The following CDH12 variants were observed in gnomAD, a reference collection of about 807,000 sequenced individuals.
CDH12 encodes cadherin 12.
In CDH12, 41 loss-of-function variants were observed where a neutral mutation model predicts 74.1. That is an observed-to-expected ratio of 0.55 (90% CI 0.43 to 0.72). CDH12 has a LOEUF of 0.72. CDH12 is among the 30% of genes least tolerant of loss of function. The pLI, the probability that CDH12 is intolerant of heterozygous loss-of-function variation, is 0.00. For missense variants in CDH12, 945 were observed against 977.2 expected, an observed-to-expected ratio of 0.97 and a Z score of 0.44; for synonymous variants, 399 against 355.0, an observed-to-expected ratio of 1.12 and a Z score of -1.39.
At chr5:21,796,877 C>A (rs1053144219) in intron 10 of CDH12, among the ~76,000 whole-genome samples, 2 of 152,064 alleles carry the variant, frequency 1.3e-5, no homozygotes, top group African/African-American at 2.4e-5. Flanking sequence ...TTATGAAAAG[C>A]CCCTACTTCA....
At chr5:22,616,096 A>G (rs1414238363) in intron 1 of CDH12, among the ~76,000 whole-genome samples, 1 of 152,156 alleles carries the variant, frequency 6.6e-6, no homozygotes, top group Admixed American at 6.6e-5. Context: ...TATTCAGTGC[A>G]CAGTTTCACC....
chr5:22,375,356 C>G (rs145550819), intron 3 of CDH12, among the ~76,000 whole-genome samples: 1 of 151,976 alleles, frequency 6.6e-6, no homozygotes, highest in Non-Finnish European at 1.5e-5. Context: ...AAAAGAAATA[C>G]AAGAAAAATA....
intron 4 of CDH12, among the ~76,000 whole-genome samples, chr5:22,113,282 T>G (rs971971493): frequency 6.6e-6 from 1 of 152,194 alleles, no homozygotes; most frequent in Non-Finnish European, 1.5e-5. Flanking sequence ...AAAGAATCTC[T>G]ATTAACATAG....
intron 1 of CDH12, among the ~76,000 whole-genome samples, chr5:22,811,793 G>C (rs921081896): frequency 6.6e-6 from 1 of 152,060 alleles, no homozygotes; most frequent in Non-Finnish European, 1.5e-5. Context: ...ACTCAGAAGA[G>C]GGAAATTATG....
chr5:22,222,897 A>T (rs1203278860), intron 3 of CDH12, among the ~76,000 whole-genome samples: 1 of 152,016 alleles, frequency 6.6e-6, no homozygotes, highest in Non-Finnish European at 1.5e-5. Context: ...ACCCTTTTGT[A>T]ACTAATCTGA....
chr5:22,503,810 C>G (rs539195750), intron 2 of CDH12, among the ~76,000 whole-genome samples: 13 of 152,054 alleles, frequency 8.5e-5, no homozygotes, highest in African/African-American at 3.1e-4. Context: ...TGTTTTAATG[C>G]TCTGTTATGC....
At chr5:22,429,424 C>A (rs545715078) in intron 2 of CDH12, among the ~76,000 whole-genome samples, 105 of 152,234 alleles carry the variant, frequency 6.9e-4, no homozygotes, top group African/African-American at 2.4e-3. Context: ...CAGGTGTGAG[C>A]CACTGTGCCT....
chr5:22,570,393 C>T (rs1739484732), intron 1 of CDH12, among the ~76,000 whole-genome samples: 1 of 152,098 alleles, frequency 6.6e-6, no homozygotes. Context: ...CTCAAAATTA[C>T]TCCTTTATCC....
intron 4 of CDH12, among the ~76,000 whole-genome samples, chr5:22,083,437 T>C (rs1281090900): frequency 1.3e-5 from 2 of 152,164 alleles, no homozygotes; most frequent in South Asian, 2.1e-4. Context: ...GGAGGAGTAA[T>C]GATGCCTATT....
At chr5:21,779,336 G>A (rs1476213166) in intron 11 of CDH12, 3 of 152,026 alleles carry the variant, frequency 2.0e-5, no homozygotes, top group African/African-American at 4.8e-5. Context: ...GAGTAGCTGG[G>A]ACTACAGTTG....
intron 3 of CDH12, among the ~76,000 whole-genome samples, chr5:22,307,718 T>C (rs1295272269): frequency 6.6e-6 from 1 of 152,074 alleles, no homozygotes; most frequent in Non-Finnish European, 1.5e-5. Context: ...TCTTCTTGCA[T>C]ATTAATTTTT....
At chr5:22,445,083 T>C (rs1744771139) in intron 2 of CDH12, among the ~76,000 whole-genome samples, 1 of 152,104 alleles carries the variant, frequency 6.6e-6, no homozygotes, top group Admixed American at 6.6e-5. Flanking sequence ...CAATGTAAAT[T>C]AGCTATGGAA....
chr5:22,373,739 A>T (rs1741396965), intron 3 of CDH12, among the ~76,000 whole-genome samples: 1 of 152,232 alleles, frequency 6.6e-6, no homozygotes, highest in Admixed American at 6.5e-5. Flanking sequence ...CCAAAGTTAA[A>T]GCCAAAGTGC....
At chr5:22,690,022 G>A (rs1254132923) in intron 1 of CDH12, among the ~76,000 whole-genome samples, 3 of 152,010 alleles carry the variant, frequency 2.0e-5, no homozygotes, top group African/African-American at 4.8e-5. Context: ...AGATTTAGAC[G>A]GCTATGAGAA....
At chr5:22,222,487 A>T (rs1335173261) in intron 3 of CDH12, among the ~76,000 whole-genome samples, 1 of 151,972 alleles carries the variant, frequency 6.6e-6, no homozygotes, top group African/African-American at 2.4e-5. Context: ...AATTTAATTA[A>T]TGCTTTTCAA....
At chr5:22,190,822 G>A (rs919783807) in intron 4 of CDH12, among the ~76,000 whole-genome samples, 3 of 152,110 alleles carry the variant, frequency 2.0e-5, no homozygotes, top group Non-Finnish European at 2.9e-5. Flanking sequence ...AATCAGCTCC[G>A]TAAATCAGGG....
intron 1 of CDH12, among the ~76,000 whole-genome samples, chr5:22,693,954 T>C (rs1451136212): frequency 6.6e-6 from 1 of 152,164 alleles, no homozygotes; most frequent in Admixed American, 6.6e-5. Flanking sequence ...TATTTGTTTA[T>C]TGAGAGAAAG....
chr5:21,859,693 T>A (rs1233659103), intron 6 of CDH12, among the ~76,000 whole-genome samples: 1 of 151,934 alleles, frequency 6.6e-6, no homozygotes, highest in Non-Finnish European at 1.5e-5. Flanking sequence ...CACCAGGAGA[T>A]ACAACAATGA....
At chr5:22,379,447 T>C (rs759666555) in intron 3 of CDH12, among the ~76,000 whole-genome samples, 27 of 152,268 alleles carry the variant, frequency 1.8e-4, no homozygotes, top group African/African-American at 5.5e-4. Context: ...AAGTTACGTA[T>C]TGGACAAGAA....
Sources: gnomAD v4.1 joint callset for allele counts (sites outside exome capture counted in the v4.1 genomes callset) on GRCh38, gnomAD v4.1.1 for gene constraint, MANE v1.5 for transcripts, NCBI Gene and HGNC (gene_info 2026-07-23, HGNC 2026-07-21) for gene names.